Variants in DPP10 observed in about 807,000 individuals in gnomAD.
DPP10 encodes the protein dipeptidyl peptidase like 10.
A neutral mutation model predicts 120.9 loss-of-function variants in DPP10; 33 were observed. The ratio of observed to expected loss-of-function variants is 0.27; its 90% CI spans 0.21 to 0.37. The LOEUF (loss-of-function observed/expected upper bound fraction) is 0.37. Among genes scored for constraint, DPP10 ranks in the 10% least tolerant of loss-of-function variants. The probability of loss-of-function intolerance (pLI) is 1.00; values close to 1 mark genes in which losing one functional copy is unlikely to be tolerated. For missense variants in DPP10, 816 were observed against 942.8 expected (o/e 0.87, Z 1.76); for synonymous variants, 337 against 326.1 (o/e 1.03, Z -0.36).
intron 1 of DPP10, among the ~76,000 whole-genome samples, chr2:114,969,464 G>T (rs887489165): frequency 6.6e-6 from 1 of 152,060 alleles, no homozygotes; most frequent in Non-Finnish European, 1.5e-5. Flanking sequence ...TTTGTGTATG[G>T]TGTGTATTCA....
At position 115,836,764 on chromosome 2, in the gene DPP10, C is replaced by T. The variant is rs768155060; in HGVS notation, c.2182+18C>T. The T allele has an allele frequency of 1.3e-5, 21 of 1,606,026 alleles. No homozygotes were observed. Among genetic ancestry groups the T allele is most frequent in the East Asian group, 2.2e-5 (1 of 44,810 alleles). ...TGCTGACAGTAAGTATTATACTTGC[C>T]GCTGCTGTTTGATAGGGTATGACCT... On this transcript the variant is annotated intron_variant, in intron 24 of 25. Transcript: ENST00000410059.
intron 8 of DPP10, among the ~76,000 whole-genome samples, chr2:115,734,380 G>A (rs72828556): frequency 0.34 from 52,376 of 151,886 alleles, 10,855 homozygotes; most frequent in East Asian, 0.63. Flanking sequence ...CGGTGGGGCC[G>A]GGCATGGTAG....
intron 1 of DPP10, among the ~76,000 whole-genome samples, chr2:114,808,882 GCTATTCTGTTTT>G (rs1229873295): frequency 6.6e-6 from 1 of 151,842 alleles, no homozygotes; most frequent in Non-Finnish European, 1.5e-5. Context: ...TCCCTTTAAT[GCTATTCTGTTTT>G]CATCAGATCA....
At chr2:115,241,292 G>A (rs76194290) in intron 1 of DPP10, among the ~76,000 whole-genome samples, 2,072 of 136,048 alleles carry the variant, frequency 0.015, 48 homozygotes, top group African/African-American at 0.054. Context: ...AAATAAATAA[G>A]TAGTGTTTCT....
At chr2:115,730,962 T>C (rs2092893211) in intron 8 of DPP10, among the ~76,000 whole-genome samples, 1 of 152,172 alleles carries the variant, frequency 6.6e-6, no homozygotes. Flanking sequence ...CTGTGGCTCA[T>C]GCCAGCAATC....
At chr2:115,574,015 G>GT (rs2081507469) in intron 5 of DPP10, among the ~76,000 whole-genome samples, 1 of 152,070 alleles carries the variant, frequency 6.6e-6, no homozygotes, top group East Asian at 1.9e-4. Flanking sequence ...CACAGTCCAT[G>GT]TGAGTTCCCA....
At chr2:114,910,374 T>C (rs1694281059) in intron 1 of DPP10, among the ~76,000 whole-genome samples, 1 of 151,966 alleles carries the variant, frequency 6.6e-6, no homozygotes, top group African/African-American at 2.4e-5. Context: ...TAAGATGGTA[T>C]TGACAGCCAG....
chr2:115,440,518 A>C (rs1329786409), intron 3 of DPP10, among the ~76,000 whole-genome samples: 1 of 152,202 alleles, frequency 6.6e-6, no homozygotes, highest in Non-Finnish European at 1.5e-5. Context: ...AGAACGCCAC[A>C]CTATGAGATG....
chr2:115,383,137 C>G (rs905949335), intron 3 of DPP10, among the ~76,000 whole-genome samples: 1 of 152,198 alleles, frequency 6.6e-6, no homozygotes, highest in Non-Finnish European at 1.5e-5. Flanking sequence ...AAGAATCACA[C>G]TGAATATTGA....
rs199848458 is a variant in DPP10, at chr2:115,753,234, A to C, written c.1011A>C (p.Leu337Phe). ...ATACCAAGACTGTGGTAAGATGGTT[A>C]AACCGAGCTCAGAACATCTCCATCC... ...VSNTKTVVRW[L>F]NRAQNISILT... The change falls in exon 11 of 26, where the codon TTA becomes TTC. Residue 337 changes from leucine to phenylalanine, a missense_variant. Transcript: ENST00000410059. 139 of 1,612,252 alleles carry C rather than the reference A, an allele frequency of 8.6e-5. 1 individual carries two copies. Among genetic ancestry groups the C allele is most frequent in the Admixed American group, 3.3e-4 (20 of 59,938 alleles).
chr2:114,959,055 G>GT (rs1698420507), intron 1 of DPP10, among the ~76,000 whole-genome samples: 1 of 151,964 alleles, frequency 6.6e-6, no homozygotes, highest in South Asian at 2.1e-4. Flanking sequence ...TTTTTGGTTT[G>GT]TTTTTGTTTT....
chr2:114,919,908 C>T (rs1183233239), intron 1 of DPP10, among the ~76,000 whole-genome samples: 2 of 152,140 alleles, frequency 1.3e-5, no homozygotes, highest in Admixed American at 6.5e-5. Flanking sequence ...TCTCCCTCCA[C>T]CTGGCCTTTT....
intron 1 of DPP10, among the ~76,000 whole-genome samples, chr2:114,721,357 A>G (rs1410574532): frequency 1.3e-5 from 2 of 152,216 alleles, no homozygotes; most frequent in Non-Finnish European, 1.5e-5. Flanking sequence ...AGATCTTGCT[A>G]TTTCTGAATT....
intron 1 of DPP10, among the ~76,000 whole-genome samples, chr2:114,510,388 G>A (rs1356332067): frequency 3.9e-5 from 6 of 152,066 alleles, no homozygotes; most frequent in Non-Finnish European, 7.4e-5. Flanking sequence ...GGTGGATCAC[G>A]AGGTAAGGAG....
chr2:115,771,378 C>T (rs112868143), intron 13 of DPP10, among the ~76,000 whole-genome samples: 2,997 of 151,978 alleles, frequency 0.02, 95 homozygotes, highest in African/African-American at 0.067. Context: ...CCGGCCTGTA[C>T]TGTATTTAAA....
chr2:115,117,466 A>T (rs949765473), intron 1 of DPP10, among the ~76,000 whole-genome samples: 11 of 152,140 alleles, frequency 7.2e-5, no homozygotes, highest in African/African-American at 2.4e-4. Context: ...TATTTAGTTG[A>T]GTGTGATGGT....
chr2:115,500,978 C>G (rs1213833518), intron 4 of DPP10, among the ~76,000 whole-genome samples: 1 of 151,694 alleles, frequency 6.6e-6, no homozygotes, highest in East Asian at 1.9e-4. Flanking sequence ...AGACAGAATT[C>G]CAGAATTGAT....
intron 1 of DPP10, among the ~76,000 whole-genome samples, chr2:115,013,035 G>A (rs113289648): frequency 4.6e-5 from 7 of 152,212 alleles, no homozygotes; most frequent in African/African-American, 1.4e-4. Flanking sequence ...TGATCCTGTC[G>A]TTATGATGCT....
chr2:115,654,545 G>A (rs1220177381), intron 5 of DPP10, among the ~76,000 whole-genome samples: 1 of 151,864 alleles, frequency 6.6e-6, no homozygotes, highest in African/African-American at 2.4e-5. Context: ...GATTGCCAAA[G>A]CAAACAGAAC....
Sources: gnomAD v4.1 joint callset for allele counts (sites outside exome capture counted in the v4.1 genomes callset) on GRCh38, gnomAD v4.1.1 for gene constraint, MANE v1.5 for transcripts, NCBI Gene and HGNC (gene_info 2026-07-23, HGNC 2026-07-21) for gene names.